Variants in FOXN2 observed in about 807,000 individuals in gnomAD.
The protein encoded by FOXN2 is forkhead box N2, also known as forkhead box protein N2.
FOXN2 carries 19 observed loss-of-function variants against 41.2 expected under a neutral mutation model. The observed-to-expected ratio is 0.46, with a 90% CI of 0.32 to 0.68. The LOEUF (loss-of-function observed/expected upper bound fraction) is 0.68, where lower values mean the gene tolerates loss of function less well. Among genes scored for constraint, FOXN2 ranks in the 30% least tolerant of loss-of-function variants. FOXN2 has a pLI of 0.03. For missense variants in FOXN2, 587 were observed against 509.4 expected (o/e 1.15, Z -1.47); for synonymous variants, 195 against 176.8 (o/e 1.10, Z -0.82).
intron 1 of FOXN2, among the ~76,000 whole-genome samples, chr2:48,324,651 T>C (rs1469100676): frequency 1.3e-5 from 2 of 152,230 alleles, no homozygotes; most frequent in Non-Finnish European, 2.9e-5. Flanking sequence ...TGCTTGCTTT[T>C]GAAGTACTCT....
At chr2:48,336,457 G>GTGTA (rs1409329649) in intron 2 of FOXN2, among the ~76,000 whole-genome samples, 1 of 149,032 alleles carries the variant, frequency 6.7e-6, no homozygotes, top group African/African-American at 2.5e-5. Flanking sequence ...GTGTGTGTGT[G>GTGTA]TATATATATT....
chr2:48,321,774 G>C (rs1459518800), intron 1 of FOXN2, among the ~76,000 whole-genome samples: 7 of 152,008 alleles, frequency 4.6e-5, no homozygotes, highest in South Asian at 4.2e-4. Context: ...ACATGGTAAG[G>C]GTAAAAGTAT....
chr2:48,331,869 A>G (rs1303575549), intron 2 of FOXN2, among the ~76,000 whole-genome samples: 1 of 151,782 alleles, frequency 6.6e-6, no homozygotes, highest in African/African-American at 2.4e-5. Flanking sequence ...TTCTGAACTT[A>G]GCTGGATTTT....
intron 2 of FOXN2, among the ~76,000 whole-genome samples, chr2:48,339,478 A>T (rs1168108682): frequency 6.6e-6 from 1 of 152,122 alleles, no homozygotes; most frequent in Non-Finnish European, 1.5e-5. Context: ...TTCTGCCATG[A>T]TTGTAAGTTT....
chr2:48,325,725 ATATG>A (rs889629473), intron 1 of FOXN2, among the ~76,000 whole-genome samples: 2 of 152,110 alleles, frequency 1.3e-5, no homozygotes, highest in African/African-American at 4.8e-5. Context: ...GTCAGGAAAG[ATATG>A]TATTAAACCA....
chr2:48,329,660 A>G (rs1669906771), intron 2 of FOXN2, among the ~76,000 whole-genome samples: 2 of 152,224 alleles, frequency 1.3e-5, no homozygotes, highest in Admixed American at 1.3e-4. Flanking sequence ...GACATCATGT[A>G]GCATTATAAT....
chr2:48,358,071 T>G (rs371408212), intron 3 of FOXN2, among the ~76,000 whole-genome samples: 75 of 152,254 alleles, frequency 4.9e-4, no homozygotes, highest in African/African-American at 1.7e-3. Context: ...CTACACCTTT[T>G]CACAGGCAAA....
intron 3 of FOXN2, among the ~76,000 whole-genome samples, chr2:48,354,368 G>C (rs541157883): frequency 6.6e-6 from 1 of 152,178 alleles, no homozygotes; most frequent in Non-Finnish European, 1.5e-5. Context: ...TTTGGAGGCT[G>C]AGGTGGGCGG....
At chr2:48,364,628 A>G (rs886190953) in intron 5 of FOXN2, among the ~76,000 whole-genome samples, 1 of 152,210 alleles carries the variant, frequency 6.6e-6, no homozygotes. Flanking sequence ...TAGAGTTATT[A>G]CCTTTTCAGG....
chr2:48,370,866 T>C (rs538005420), intron 5 of FOXN2, among the ~76,000 whole-genome samples: 1 of 152,314 alleles, frequency 6.6e-6, no homozygotes, highest in East Asian at 1.9e-4. Flanking sequence ...TAAAATCTTT[T>C]CCCAGACCAA....
At chr2:48,331,851 A>T (rs905770292) in intron 2 of FOXN2, among the ~76,000 whole-genome samples, 1 of 151,578 alleles carries the variant, frequency 6.6e-6, no homozygotes, top group Non-Finnish European at 1.5e-5. Flanking sequence ...CTTTATGTTC[A>T]TGAGAATTTC....
intron 1 of FOXN2, among the ~76,000 whole-genome samples, chr2:48,327,251 C>A (rs1391936768): frequency 1.3e-5 from 2 of 152,078 alleles, no homozygotes; most frequent in African/African-American, 4.8e-5. Flanking sequence ...GTCATTTTCT[C>A]TTCCAGTATT....
chr2:48,354,643 C>A (rs1015382144), intron 3 of FOXN2, among the ~76,000 whole-genome samples: 73 of 152,310 alleles, frequency 4.8e-4, no homozygotes, highest in Non-Finnish European at 7.3e-5. Context: ...TAACAACTGG[C>A]TAGGGACAGG....
At chr2:48,341,348 G>T (rs1412836869) in intron 2 of FOXN2, among the ~76,000 whole-genome samples, 1 of 152,014 alleles carries the variant, frequency 6.6e-6, no homozygotes, top group African/African-American at 2.4e-5. Flanking sequence ...GAAATATACA[G>T]ATCTTTTTGT....
intron 6 of FOXN2, 50 bp downstream of exon 6, chr2:48,373,410 TTA>T (rs751539897): frequency 9.4e-7 from 1 of 1,067,244 alleles, no homozygotes; most frequent in South Asian, 1.4e-5. Context: ...CTTTTCAAAT[TTA>T]ACCTAGACTA....
intron 1 of FOXN2, among the ~76,000 whole-genome samples, chr2:48,325,409 G>A (rs1460249274): frequency 6.7e-6 from 1 of 148,298 alleles, no homozygotes; most frequent in African/African-American, 2.5e-5. Flanking sequence ...TTCATTTTAT[G>A]TGTGTGTGTG....
intron 5 of FOXN2, among the ~76,000 whole-genome samples, chr2:48,367,519 C>A (rs1374774626): frequency 2.0e-5 from 3 of 152,324 alleles, no homozygotes; most frequent in Non-Finnish European, 4.4e-5. Context: ...TGAAACTATT[C>A]TTCTACTTCA....
chr2:48,336,264 C>T (rs965961662), intron 2 of FOXN2, among the ~76,000 whole-genome samples: 2 of 150,984 alleles, frequency 1.3e-5, no homozygotes, highest in African/African-American at 2.4e-5. Context: ...TTAAAAAAGC[C>T]GGGTGTGGTG....
At chr2:48,356,373 G>A (rs1442594256) in intron 3 of FOXN2, among the ~76,000 whole-genome samples, 4 of 151,378 alleles carry the variant, frequency 2.6e-5, no homozygotes, top group African/African-American at 7.3e-5. Flanking sequence ...CCTGGGAGGC[G>A]GAGGTTGCAG....
Sources: gnomAD v4.1 joint callset for allele counts (sites outside exome capture counted in the v4.1 genomes callset) on GRCh38, gnomAD v4.1.1 for gene constraint, MANE v1.5 for transcripts, NCBI Gene and HGNC (gene_info 2026-07-23, HGNC 2026-07-21) for gene names.